Variants in LRRC4C observed in about 807,000 individuals in gnomAD.
LRRC4C encodes the protein leucine rich repeat containing 4C.
In LRRC4C, 5 loss-of-function variants were observed where a neutral mutation model predicts 33.6. The ratio of observed to expected loss-of-function variants is 0.15; its 90% CI spans 0.08 to 0.31. The LOEUF is 0.31. LRRC4C is among the 10% of genes least tolerant of loss of function. LRRC4C has a pLI of 1.00. For missense variants in LRRC4C, 560 were observed against 796.7 expected (o/e 0.70, Z 3.58); for synonymous variants, 329 against 302.0 (o/e 1.09, Z -0.93).
intron 1 of LRRC4C, among the ~76,000 whole-genome samples, chr11:41,235,173 T>G (rs1449563500): frequency 1.3e-5 from 2 of 152,062 alleles, no homozygotes; most frequent in East Asian, 3.8e-4. Context: ...TCAATTTCAT[T>G]TAAACACTCA....
chr11:40,798,010 A>G (rs1457690911), intron 2 of LRRC4C, among the ~76,000 whole-genome samples: 5 of 152,210 alleles, frequency 3.3e-5, no homozygotes, highest in Non-Finnish European at 7.3e-5. Context: ...AATCGCAACT[A>G]GAGGTTGAAC....
rs566210895 is a variant in LRRC4C at position 40,254,041 on chromosome 11, T to G, written c.-175-12443A>C. ...TAGATCTTATATTTAAAGTAGATAG[T>G]GAAAACAATTATCTGGTCAGCAAGC... On this transcript the variant is annotated intron_variant, in intron 4 of 6. Transcript: ENST00000528697. Among the ~76,000 whole-genome samples the G allele has an allele frequency of 3.1e-4, 47 of 152,326 alleles. No individual in the cohort carries two copies. The South Asian group carries it at 9.7e-3, about 32-fold the overall frequency.
intron 3 of LRRC4C, among the ~76,000 whole-genome samples, chr11:40,580,011 C>T (rs917126994): frequency 6.6e-6 from 1 of 151,184 alleles, no homozygotes; most frequent in African/African-American, 2.4e-5. Context: ...AGGTCTGAGA[C>T]TAAGGGAAAA....
chr11:40,786,759 A>G (rs1591717713), intron 2 of LRRC4C, among the ~76,000 whole-genome samples: 1 of 152,050 alleles, frequency 6.6e-6, no homozygotes, highest in African/African-American at 2.4e-5. Context: ...GTCAAATCTC[A>G]CCCACCCCAA....
chr11:40,199,232 G>A (rs147637361), intron 5 of LRRC4C, among the ~76,000 whole-genome samples: 501 of 152,104 alleles, frequency 3.3e-3, no homozygotes, highest in African/African-American at 0.011. Flanking sequence ...TACCACACCC[G>A]GCAGATTTTT....
At chr11:40,389,912 T>A (rs887845275) in intron 3 of LRRC4C, among the ~76,000 whole-genome samples, 8 of 152,312 alleles carry the variant, frequency 5.3e-5, no homozygotes, top group African/African-American at 1.7e-4. Flanking sequence ...TAGGGTCTTC[T>A]TAGTACCAAG....
rs191052734 is a variant in LRRC4C, at chr11:40,222,811, C to T, written c.-96+18708G>A. ...GCAGGCTTAGAGTGGGAAAGGGTCT[C>T]ATTTAGTGGGGGAAGATCAAGAGAT... On this transcript the variant is annotated intron_variant, in intron 5 of 6. Coordinates refer to ENST00000528697, the MANE Select transcript of LRRC4C (RefSeq NM_001258419.2). Among the ~76,000 whole-genome samples, 108 of 152,226 alleles carry T rather than the reference C, an allele frequency of 7.1e-4. 2 individuals carry two copies. In the East Asian group the frequency reaches 0.018, roughly 26 times the overall value.
chr11:40,962,607 T>G (rs926787603), intron 1 of LRRC4C, among the ~76,000 whole-genome samples: 3 of 151,744 alleles, frequency 2.0e-5, no homozygotes, highest in African/African-American at 7.2e-5. Context: ...AGCGAATCTT[T>G]GTTAAAGCAC....
chr11:41,129,755 A>G (rs1211206330), intron 1 of LRRC4C, among the ~76,000 whole-genome samples: 1 of 151,756 alleles, frequency 6.6e-6, no homozygotes, highest in Non-Finnish European at 1.5e-5. Flanking sequence ...CTCCTCAAAG[A>G]CTCTGATGAT....
chr11:41,279,428 A>ACACACACACCC lies in LRRC4C; in HGVS notation c.-496+180002_-496+180003insGGGTGTGTGTG, dbSNP rs58139193. Among the ~76,000 whole-genome samples, 334 of 140,880 alleles carry ACACACACACCC rather than the reference A, an allele frequency of 2.4e-3. 6 individuals carry two copies. Among genetic ancestry groups the ACACACACACCC allele is most frequent in the Middle Eastern group, 0.015 (4 of 274 alleles). 92.4% of individuals were successfully genotyped at this position (140,880 alleles called of 152,430 possible). A position where few individuals can be genotyped will look rare whatever the true frequency, so the allele number is the denominator to read the frequency against. On this transcript the variant is annotated intron_variant, in intron 1 of 6. Transcript: ENST00000528697. ...CACACACACACACACACACACACAC[A>ACACACACACCC]CCGTGGCAATCACTGCCTGCAATGG...
At chr11:40,752,335 G>T (rs1302181829) in intron 2 of LRRC4C, among the ~76,000 whole-genome samples, 1 of 151,924 alleles carries the variant, frequency 6.6e-6, no homozygotes, top group South Asian at 2.1e-4. Context: ...AGAAAATACT[G>T]CAAACTATTC....
chr11:40,716,582 G>A (rs1439503226), intron 2 of LRRC4C, among the ~76,000 whole-genome samples: 3 of 152,160 alleles, frequency 2.0e-5, no homozygotes, highest in Non-Finnish European at 4.4e-5. Context: ...TTACGACATT[G>A]CTCCCACTCT....
chr11:40,328,765 A>G (rs1204351728), intron 3 of LRRC4C, among the ~76,000 whole-genome samples: 1 of 152,244 alleles, frequency 6.6e-6, no homozygotes, highest in Non-Finnish European at 1.5e-5. Context: ...AGAAGTGATT[A>G]TCAGTTTAAA....
intron 1 of LRRC4C, among the ~76,000 whole-genome samples, chr11:41,261,543 AT>A (rs1478451567): frequency 6.6e-6 from 1 of 152,098 alleles, no homozygotes; most frequent in Non-Finnish European, 1.5e-5. Context: ...TGAATATATA[AT>A]TTATAATTCA....
intron 2 of LRRC4C, among the ~76,000 whole-genome samples, chr11:40,793,258 T>C (rs770675158): frequency 5.9e-5 from 9 of 152,184 alleles, no homozygotes; most frequent in Non-Finnish European, 1.2e-4. Flanking sequence ...TGTTACTGTT[T>C]AAAAATTGAG....
intron 3 of LRRC4C, among the ~76,000 whole-genome samples, chr11:40,537,120 C>T (rs942208706): frequency 5.9e-5 from 9 of 152,080 alleles, no homozygotes; most frequent in African/African-American, 2.2e-4. Context: ...AAATATATGA[C>T]CTTCAATAAC....
chr11:40,346,962 G>A lies in LRRC4C; in HGVS notation c.-269-27241C>T, dbSNP rs1009268091. ...ATAATTCTTAAGGGTCCTAGGATCT[G>A]CAGAATGGTAAATGAGTATTGACTT... On this transcript the variant is annotated intron_variant, in intron 3 of 6. Coordinates refer to ENST00000528697, the MANE Select transcript of LRRC4C (RefSeq NM_001258419.2). 3.9e-5 allele frequency among the ~76,000 whole-genome samples: 6 copies of A among 152,194 alleles called. No individual in the cohort carries two copies. In the South Asian group the frequency reaches 1.2e-3, roughly 31 times the overall value.
chr11:40,560,292 C>A (rs949999796), intron 3 of LRRC4C, among the ~76,000 whole-genome samples: 16 of 151,704 alleles, frequency 1.1e-4, no homozygotes, highest in Non-Finnish European at 2.2e-4. Context: ...GTACACAGCA[C>A]CAGGCATTGA....
intron 3 of LRRC4C, among the ~76,000 whole-genome samples, chr11:40,518,495 C>T (rs555241838): frequency 6.6e-6 from 1 of 152,262 alleles, no homozygotes; most frequent in South Asian, 2.1e-4. Context: ...AGCCAACAAA[C>T]ATGAACAAAA....
Sources: gnomAD v4.1 joint callset for allele counts (sites outside exome capture counted in the v4.1 genomes callset) on GRCh38, gnomAD v4.1.1 for gene constraint, MANE v1.5 for transcripts, NCBI Gene and HGNC (gene_info 2026-07-23, HGNC 2026-07-21) for gene names.